The following PCDHA6 variants were observed in gnomAD, a reference collection of about 807,000 sequenced individuals.
The protein encoded by PCDHA6 is protocadherin alpha-6.
In PCDHA6, 55 loss-of-function variants were observed where a neutral mutation model predicts 60.3. That is an observed-to-expected ratio of 0.91 (90% CI 0.73 to 1.14). PCDHA6 has a LOEUF of 1.14. Ranked by LOEUF, PCDHA6 falls within the 50% of genes most tolerant of loss-of-function variation. The pLI is 0.00. For missense variants in PCDHA6, 1,327 were observed against 1,256.5 expected, an observed-to-expected ratio of 1.06 and a Z score of -0.85; for synonymous variants, 652 against 557.9, an observed-to-expected ratio of 1.17 and a Z score of -2.38.
At chr5:140,883,615 C>T (rs1554178913) in intron 1 of PCDHA6, 6 of 1,613,938 alleles carry the variant, frequency 3.7e-6, no homozygotes, top group African/African-American at 1.3e-5. Context: ...CCGACGTGAA[C>T]GACAACGCGC....
intron 1 of PCDHA6, among the ~76,000 whole-genome samples, chr5:140,844,193 C>T (rs2150369320): frequency 6.7e-6 from 1 of 149,658 alleles, no homozygotes; most frequent in Admixed American, 6.7e-5. Flanking sequence ...TCTTATCTGA[C>T]TTTTTAGTGT....
At chr5:140,920,825 G>A (rs557360536) in intron 1 of PCDHA6, among the ~76,000 whole-genome samples, 12 of 150,152 alleles carry the variant, frequency 8.0e-5, no homozygotes, top group African/African-American at 2.4e-4. Context: ...GCCTGGCGAC[G>A]GAGCAAGACC....
intron 1 of PCDHA6, chr5:140,852,649 T>C (rs1206238129): frequency 3.1e-6 from 3 of 960,206 alleles, no homozygotes; most frequent in African/African-American, 3.6e-5. Context: ...TAAACCTATC[T>C]ATATCTGTCT....
intron 1 of PCDHA6, chr5:140,876,996 G>T (rs1554169201): frequency 1.2e-6 from 2 of 1,612,618 alleles, no homozygotes; most frequent in East Asian, 2.2e-5. Context: ...CGAGCTACGT[G>T]TCGGTGCACG....
intron 1 of PCDHA6, chr5:140,967,921 C>T (rs781932025): frequency 6.2e-6 from 10 of 1,614,172 alleles, no homozygotes; most frequent in South Asian, 4.4e-5. Flanking sequence ...CCATTGTGGC[C>T]GTTCTCAGTG....
chr5:140,845,092 C>T lies in PCDHA6; in HGVS notation c.2394+14607C>T, dbSNP rs145327720. Among the ~76,000 whole-genome samples, 352 of 149,676 alleles carry T rather than the reference C, an allele frequency of 2.4e-3. 12 individuals are homozygous for T. Among genetic ancestry groups the T allele is most frequent in the African/African-American group, 8.0e-3 (326 of 40,968 alleles). On this transcript the variant is annotated intron_variant, in intron 1 of 3. Transcript: ENST00000529310. Reference sequence around the variant, plus strand: ...CAGCATTGTTTTGTAGTTTATTTTACAGTTCTCTTAATGCCTGTCCATGTT... The same window carrying T: ...CAGCATTGTTTTGTAGTTTATTTTATAGTTCTCTTAATGCCTGTCCATGTT...
intron 1 of PCDHA6, among the ~76,000 whole-genome samples, chr5:140,912,823 G>C (rs2076078264): frequency 6.6e-6 from 1 of 152,090 alleles, no homozygotes; most frequent in Non-Finnish European, 1.5e-5. Context: ...AAGGGATTTT[G>C]AATTTTATTA....
chr5:140,926,170 C>G (rs558750358), intron 1 of PCDHA6, among the ~76,000 whole-genome samples: 1 of 151,736 alleles, frequency 6.6e-6, no homozygotes. Flanking sequence ...CAGGATCCAG[C>G]GCGGAAAGCC....
In PCDHA6 at chr5:140,842,931, C is replaced by T. The variant is rs1778399596; in HGVS notation, c.2394+12446C>T. Reference sequence around the variant, plus strand: ...GAGCTGCTGCAGTTCCAGGTGAGCGCGCGCGACGCGGGCGTGCCGCCTCTG... The same window carrying T: ...GAGCTGCTGCAGTTCCAGGTGAGCGTGCGCGACGCGGGCGTGCCGCCTCTG... On this transcript the variant is annotated intron_variant, in intron 1 of 3. Coordinates refer to ENST00000529310, the MANE Select transcript of PCDHA6 (RefSeq NM_018909.4). The T allele has an allele frequency of 1.9e-6, 3 of 1,594,502 alleles. 1 individual carries two copies. Among genetic ancestry groups the T allele is most frequent in the Non-Finnish European group, 2.6e-6 (3 of 1,165,448 alleles).
chr5:140,828,511 G>T lies in PCDHA6; in HGVS notation c.420G>T (p.Val140=), dbSNP rs2150156254. The part of the protein sequence containing the change: ...PPLFPVEEQR[V]LIYESRLPDS... ...TGTTCCCGGTAGAGGAACAAAGAGTGCTGATTTACGAATCTAGGCTGCCAG... is the reference window on the plus strand; with the variant it reads ...TGTTCCCGGTAGAGGAACAAAGAGTTCTGATTTACGAATCTAGGCTGCCAG... The change falls in exon 1 of 4, where the codon GTG becomes GTT. Residue 140 remains valine (V), a synonymous_variant. Transcript: ENST00000529310. 9 of 1,614,130 alleles carry T rather than the reference G, an allele frequency of 5.6e-6. No individual in the cohort carries two copies. The Admixed American group carries it at 1.3e-4, about 24-fold the overall frequency.
chr5:140,840,552 T>C (rs1158381714), intron 1 of PCDHA6, among the ~76,000 whole-genome samples: 1 of 152,052 alleles, frequency 6.6e-6, no homozygotes, highest in Non-Finnish European at 1.5e-5. Flanking sequence ...ATGATGGCAA[T>C]ACTGCTAGAG....
At position 140,924,894 on chromosome 5, in the gene PCDHA6, C is replaced by CAAAAAA. The variant is rs782133089; in HGVS notation, c.2395-54049_2395-54044dup. Among the ~76,000 whole-genome samples, 6 of 71,470 alleles carry CAAAAAA rather than the reference C, an allele frequency of 8.4e-5. No homozygotes were observed. In the East Asian group the frequency reaches 2.6e-3, roughly 31 times the overall value. 46.9% of individuals were successfully genotyped at this position (71,470 alleles called of 152,430 possible). A position where few individuals can be genotyped will look rare whatever the true frequency, so the allele number is the denominator to read the frequency against. On this transcript the variant is annotated intron_variant, in intron 1 of 3. Transcript: ENST00000529310. ...TGGGTGACAGAGCAAGAACCTGTCT[C>CAAAAAA]AAAAAAAAAAATAAAATAAAATAAA... is the stretch of plus-strand genomic sequence containing the variant.
At chr5:140,905,787 G>A (rs1468265319) in intron 1 of PCDHA6, among the ~76,000 whole-genome samples, 1 of 152,012 alleles carries the variant, frequency 6.6e-6, no homozygotes, top group Non-Finnish European at 1.5e-5. Context: ...TATTAGTCAG[G>A]GTTCTCTAGA....
At chr5:140,871,350 C>G (rs782168219) in intron 1 of PCDHA6, 1 of 1,614,194 alleles carries the variant, frequency 6.2e-7, no homozygotes, top group East Asian at 2.2e-5. Context: ...GCTGGTCATA[C>G]TCGCAGCAGA....
At chr5:140,907,406 A>G (rs2073359357) in intron 1 of PCDHA6, among the ~76,000 whole-genome samples, 1 of 152,216 alleles carries the variant, frequency 6.6e-6, no homozygotes, top group African/African-American at 2.4e-5. Context: ...TGTGTGGAAT[A>G]CCACGATGGT....
At chr5:141,001,384 A>G (rs1554258149) in intron 3 of PCDHA6, among the ~76,000 whole-genome samples, 1 of 152,204 alleles carries the variant, frequency 6.6e-6, no homozygotes, top group African/African-American at 2.4e-5. Context: ...AGAGCCTAAG[A>G]TCCTACAGAG....
intron 1 of PCDHA6, among the ~76,000 whole-genome samples, chr5:140,978,440 T>G (rs1238163577): frequency 2.0e-5 from 3 of 152,244 alleles, no homozygotes; most frequent in African/African-American, 7.2e-5. Context: ...GCTGGTGTTA[T>G]GACTGGGCAC....
At chr5:140,975,120 C>CT (rs140169299) in intron 1 of PCDHA6, among the ~76,000 whole-genome samples, 5 of 152,258 alleles carry the variant, frequency 3.3e-5, no homozygotes, top group African/African-American at 1.2e-4. Flanking sequence ...TGTTTTCCTA[C>CT]TTACTATTGG....
intron 3 of PCDHA6, among the ~76,000 whole-genome samples, chr5:141,006,194 A>G (rs1455369245): frequency 1.3e-5 from 2 of 149,246 alleles, no homozygotes; most frequent in African/African-American, 2.5e-5. Context: ...TGCTATATGT[A>G]TGTTATGCCT....
Sources: allele counts gnomAD v4.1 joint callset (sites outside exome capture counted in the v4.1 genomes callset), GRCh38; gene constraint gnomAD v4.1.1; transcripts MANE v1.5; gene names NCBI Gene and HGNC (gene_info 2026-07-23, HGNC 2026-07-21).